The following OCIAD1 variants were observed in gnomAD, a reference collection of about 807,000 sequenced individuals.
OCIAD1 encodes OCIA domain containing 1.
In OCIAD1, 29 loss-of-function variants were observed where a neutral mutation model predicts 38.9. The observed-to-expected ratio is 0.74, with a 90% confidence interval of 0.55 to 1.02. OCIAD1 has a LOEUF of 1.02. OCIAD1 is among the 50% of genes least tolerant of loss of function. OCIAD1 has a pLI of 0.00. For synonymous variants in OCIAD1, 110 were observed against 92.0 expected (o/e 1.20, Z -1.12); for missense variants, 288 against 289.6 (o/e 0.99, Z 0.04).
chr4:48,831,249 G>GCT lies in OCIAD1; in HGVS notation c.-6_-6+1insCT. The GCT allele has an allele frequency of 8.8e-6, 3 of 342,826 alleles. 1 individual carries two copies. In the Admixed American group the frequency reaches 1.2e-4, roughly 14 times the overall value. The allele number at this position is 342,826 out of a possible 1,614,324, so 21.2% of individuals were successfully genotyped here. A position where few individuals can be genotyped will look rare whatever the true frequency, so the allele number is the denominator to read the frequency against. On this transcript the variant is annotated splice_region_variant and 5_prime_UTR_variant. Coordinates refer to ENST00000264312, the MANE Select transcript of OCIAD1 (RefSeq NM_017830.4). ...CAGTCGCCTGCTGCTGTCGTCGGGA[G>GCT]GTGGGTGAGGTGACGCAAACAGCCC...
chr4:48,823,961 C>T (rs2109497420), intron 1 of OCIAD1, among the ~76,000 whole-genome samples: 1 of 148,820 alleles, frequency 6.7e-6, no homozygotes, highest in South Asian at 2.1e-4. Context: ...GCCACTACAC[C>T]TGGCTTTCTT....
Position 48,832,698 on chromosome 4 carries a change from GTATT to G in OCIAD1, c.58+20_58+23del. ...CCAATTCCCCGTAACTATCTATTAA[GTATT>G]TATAATTAGAAGCACTTCCTATGTA... On this transcript the variant is annotated intron_variant, in intron 2 of 8. Coordinates refer to ENST00000264312, the MANE Select transcript of OCIAD1 (RefSeq NM_017830.4). 6.3e-7 allele frequency: 1 copy of G among 1,592,166 alleles called. No individual in the cohort carries two copies.
At chr4:48,832,519 T>G in intron 1 of OCIAD1, 101 bp from the exon 2 acceptor site, 1 of 818,540 alleles carries the variant, frequency 1.2e-6, no homozygotes, top group South Asian at 1.4e-5. Context: ...GTTGATTGAT[T>G]GCTGTGTAGA....
At chr4:48,826,136 C>A (rs1217569119), upstream of OCIAD1, among the ~76,000 whole-genome samples, 1 of 151,944 alleles carries the variant, frequency 6.6e-6, no homozygotes, top group Non-Finnish European at 1.5e-5. Context: ...CTGTGCTTGG[C>A]CTCCCTCCTA....
At chr4:48,832,731 G>A in intron 2 of OCIAD1, 49 bp downstream of exon 2, 2 of 1,380,868 alleles carry the variant, frequency 1.4e-6, no homozygotes, top group East Asian at 2.3e-5. Context: ...CTATGTAAAG[G>A]AATTTTCACT....
At chr4:48,808,098 C>T (rs1226934571) in intron 1 of OCIAD1, among the ~76,000 whole-genome samples, 2 of 152,320 alleles carry the variant, frequency 1.3e-5, no homozygotes, top group African/African-American at 4.8e-5. Flanking sequence ...TTCACTACAG[C>T]TCTCCACTTG....
At chr4:48,856,641 C>T (rs1250738524) in intron 7 of OCIAD1, 1 of 152,152 alleles carries the variant, frequency 6.6e-6, no homozygotes, top group African/African-American at 2.4e-5. Context: ...CCTCGGCCTT[C>T]CAAAGTGCTG....
chr4:48,818,118 C>A (rs944889038), intron 1 of OCIAD1, among the ~76,000 whole-genome samples: 1 of 152,226 alleles, frequency 6.6e-6, no homozygotes, highest in African/African-American at 2.4e-5. Context: ...CTCTGTGCCT[C>A]CTGACTGGGA....
At chr4:48,855,042 T>C (rs1015050070) in intron 7 of OCIAD1, among the ~76,000 whole-genome samples, 1 of 152,226 alleles carries the variant, frequency 6.6e-6, no homozygotes, top group African/African-American at 2.4e-5. Context: ...TCCCCAGTCT[T>C]CTTCTGTCTG....
chr4:48,822,783 A>T (rs1280928948), intron 1 of OCIAD1, among the ~76,000 whole-genome samples: 1 of 152,160 alleles, frequency 6.6e-6, no homozygotes, highest in Non-Finnish European at 1.5e-5. Flanking sequence ...ACAAACATAT[A>T]AAAAAATGCT....
chr4:48,835,583 C>T (rs1777909266), intron 3 of OCIAD1, among the ~76,000 whole-genome samples: 1 of 152,082 alleles, frequency 6.6e-6, no homozygotes, highest in African/African-American at 2.4e-5. Flanking sequence ...CCTGTAATCC[C>T]AGCACCTTGG....
intron 1 of OCIAD1, among the ~76,000 whole-genome samples, chr4:48,823,246 T>C (rs1250627285): frequency 2.6e-5 from 4 of 152,174 alleles, no homozygotes; most frequent in Admixed American, 2.6e-4. Context: ...TGCAGGTACA[T>C]GGTTGAAGCT....
At chr4:48,831,596 T>C in intron 1 of OCIAD1, 5 of 1,262,482 alleles carry the variant, frequency 4.0e-6, no homozygotes, top group Non-Finnish European at 5.2e-6. Context: ...GAACTTAAAA[T>C]GGTATTGTCT....
At chr4:48,813,617 C>G (rs923020722) in intron 1 of OCIAD1, among the ~76,000 whole-genome samples, 18 of 152,230 alleles carry the variant, frequency 1.2e-4, no homozygotes, top group African/African-American at 4.3e-4. Flanking sequence ...ATCAGATCCA[C>G]TGTGCTCCAG....
upstream of OCIAD1, among the ~76,000 whole-genome samples, chr4:48,828,626 A>G (rs1777275993): frequency 6.6e-6 from 1 of 152,172 alleles, no homozygotes. Context: ...TAACAACTCC[A>G]GACGGGAGGA....
chr4:48,859,618 A>G (rs760520170), intron 8 of OCIAD1, among the ~76,000 whole-genome samples: 41 of 152,166 alleles, frequency 2.7e-4, no homozygotes, highest in Admixed American at 2.6e-4. Flanking sequence ...AGAATGTGAA[A>G]TGATTTTTTC....
rs1780550513 is a variant in OCIAD1 at position 48,860,902 on chromosome 4, C to T, written c.*140C>T. ...ATCCTGGGTTTTTGTGGTTTGACTT[C>T]TATGGTGTTTTAAAAAAACACAGAT... On this transcript the variant is annotated 3_prime_UTR_variant, in exon 9 of 9. Coordinates refer to ENST00000264312, the MANE Select transcript of OCIAD1 (RefSeq NM_017830.4). 4.4e-6 allele frequency: 3 copies of T among 685,218 alleles called. No homozygotes were observed. The East Asian group carries it at 7.8e-5, about 18-fold the overall frequency. 42.4% of individuals were successfully genotyped at this position (685,218 alleles called of 1,614,324 possible).
intron 4 of OCIAD1, among the ~76,000 whole-genome samples, chr4:48,844,512 A>C (rs1778812127): frequency 6.6e-6 from 1 of 152,166 alleles, no homozygotes; most frequent in African/African-American, 2.4e-5. Flanking sequence ...GCTACTCAGG[A>C]GACTGAGGCA....
rs147247493 is a variant in OCIAD1, at chr4:48,839,568, G to T, written c.140-3068G>T. ...GCTATACTTTTCTTATCTATAAAAT[G>T]GGGATAACTGCCTAGCTCATGAAAT... On this transcript the variant is annotated intron_variant, in intron 3 of 8. Transcript: ENST00000264312. Among the ~76,000 whole-genome samples the T allele has an allele frequency of 7.2e-3, 1,089 of 152,242 alleles. 14 individuals carry two copies. Among genetic ancestry groups the T allele is most frequent in the African/African-American group, 0.025 (1,026 of 41,554 alleles).
Sources: gnomAD v4.1 joint callset for allele counts (sites outside exome capture counted in the v4.1 genomes callset) on GRCh38, gnomAD v4.1.1 for gene constraint, MANE v1.5 for transcripts, NCBI Gene and HGNC (gene_info 2026-07-23, HGNC 2026-07-21) for gene names.